POLN: variants seen among roughly 807,000 people sequenced by gnomAD.
POLN encodes the protein DNA polymerase nu, also known as DNA polymerase N.
In POLN, 108 loss-of-function variants were observed where a neutral mutation model predicts 113.5. That is an observed-to-expected ratio of 0.95 (90% CI 0.81 to 1.12). The LOEUF is 1.12. Among genes scored for constraint, POLN ranks in the 50% most tolerant of loss-of-function variants. POLN has a pLI of 0.00. For synonymous variants in POLN, 386 were observed against 391.5 expected (o/e 0.99, Z 0.17); for missense variants, 1,097 against 1,077.1 (o/e 1.02, Z -0.26).
At chr4:2,156,696 G>C in intron 16 of POLN, 92 bp downstream of exon 16, 2 of 1,007,192 alleles carry the variant, frequency 2.0e-6, no homozygotes, top group Non-Finnish European at 1.6e-6. Flanking sequence ...CTTGGAAACA[G>C]AAAGTGCACA....
At chr4:2,189,944 G>A (rs1733397095) in intron 7 of POLN, among the ~76,000 whole-genome samples, 1 of 147,768 alleles carries the variant, frequency 6.8e-6, no homozygotes, top group African/African-American at 2.5e-5. Context: ...AGAATCACTT[G>A]AACCCAGGAG....
intron 16 of POLN, among the ~76,000 whole-genome samples, chr4:2,154,926 A>T (rs1379094270): frequency 6.6e-6 from 1 of 152,238 alleles, no homozygotes; most frequent in African/African-American, 2.4e-5. Flanking sequence ...CCAAAAGTTC[A>T]ACTGAAATAA....
chr4:2,087,610 T>G (rs1273930134), intron 20 of POLN, among the ~76,000 whole-genome samples: 1 of 152,232 alleles, frequency 6.6e-6, no homozygotes, highest in Non-Finnish European at 1.5e-5. Context: ...GAGCATATTT[T>G]CTTTTACTTC....
At chr4:2,196,950 T>G (rs1231159314) in intron 6 of POLN, among the ~76,000 whole-genome samples, 1 of 152,026 alleles carries the variant, frequency 6.6e-6, no homozygotes, top group Non-Finnish European at 1.5e-5. Context: ...CACCACATGG[T>G]CAGGAACGGC....
At chr4:2,163,418 C>T (rs1732650018) in intron 13 of POLN, among the ~76,000 whole-genome samples, 1 of 152,222 alleles carries the variant, frequency 6.6e-6, no homozygotes, top group African/African-American at 2.4e-5. Flanking sequence ...GAACACTGCT[C>T]GCACTAACCG....
chr4:2,078,822 A>G, intron 23 of POLN: 1 of 985,474 alleles, frequency 1.0e-6, no homozygotes, highest in Non-Finnish European at 1.2e-6. Context: ...GTTCCTGAGT[A>G]AAAGTGTCTG....
chr4:2,082,219 C>T (rs183313860), intron 21 of POLN, among the ~76,000 whole-genome samples: 2 of 152,026 alleles, frequency 1.3e-5, no homozygotes, highest in East Asian at 1.9e-4. Flanking sequence ...GCCTCCAAAG[C>T]GCTGGTATTA....
intron 3 of POLN, among the ~76,000 whole-genome samples, chr4:2,218,324 G>C (rs1734163107): frequency 6.6e-6 from 1 of 151,246 alleles, no homozygotes; most frequent in African/African-American, 2.4e-5. Context: ...GCATCCCTGT[G>C]ATCCCAGCTA....
rs564588345 is a variant in POLN at position 2,205,925 on chromosome 4, A to C, written c.714+2062T>G. Among the ~76,000 whole-genome samples, 10 of 152,230 alleles carry C rather than the reference A, an allele frequency of 6.6e-5. No homozygotes were observed. The South Asian group carries it at 2.1e-3, about 32-fold the overall frequency. The stretch of plus-strand genomic sequence containing the variant: ...AATTCATATGGAGCAACAACAACAA[A>C]AAAGCCCACATAGCCAAAGCAAGAC... On this transcript the variant is annotated intron_variant, in intron 5 of 25. Transcript: ENST00000511885.
intron 23 of POLN, chr4:2,076,571 C>T (rs1560964244): frequency 6.6e-6 from 1 of 152,318 alleles, no homozygotes; most frequent in East Asian, 1.9e-4. Context: ...TCTGTGTGAC[C>T]TTGGCTCTGT....
At chr4:2,206,604 T>A (rs958610458) in intron 5 of POLN, among the ~76,000 whole-genome samples, 1 of 151,952 alleles carries the variant, frequency 6.6e-6, no homozygotes, top group Non-Finnish European at 1.5e-5. Context: ...AATAGACAAT[T>A]CTCCAAAGAA....
chr4:2,149,017 A>G (rs1195360801), intron 16 of POLN, among the ~76,000 whole-genome samples: 1 of 152,162 alleles, frequency 6.6e-6, no homozygotes, highest in Non-Finnish European at 1.5e-5. Flanking sequence ...CACTGTGGTT[A>G]CAGGCTGGAT....
intron 2 of POLN, chr4:2,238,563 AAAAGGAAATATTTACT>A: frequency 5.2e-6 from 7 of 1,343,654 alleles, no homozygotes; most frequent in Non-Finnish European, 7.0e-6. Context: ...TCGCAAAAAC[AAAAGGAAATATTTACT>A]AAAGAAACAA....
At chr4:2,174,606 A>C in intron 10 of POLN, 85 bp downstream of exon 10, 2 of 1,152,676 alleles carry the variant, frequency 1.7e-6, no homozygotes, top group South Asian at 2.5e-5. Context: ...TCTACTCCTA[A>C]GTAAGGTATG....
At chr4:2,232,239 G>A in intron 2 of POLN, 1 of 681,512 alleles carries the variant, frequency 1.5e-6, no homozygotes, top group Non-Finnish European at 2.3e-6. Context: ...TAATTTACAT[G>A]GAAAGACTTT....
At chr4:2,113,754 A>G (rs112224782) in intron 19 of POLN, among the ~76,000 whole-genome samples, 1 of 151,824 alleles carries the variant, frequency 6.6e-6, no homozygotes, top group African/African-American at 2.4e-5. Context: ...GCTACTTGAG[A>G]GGCTGAGGCA....
At chr4:2,159,237 AT>A (rs1255478297) in intron 13 of POLN, 26 bp from the exon 14 acceptor site, 7 of 1,542,234 alleles carry the variant, frequency 4.5e-6, no homozygotes, top group Non-Finnish European at 6.3e-6. Flanking sequence ...GATACTACCA[AT>A]GTAATTCGTC....
chr4:2,182,297 T>C lies in POLN; in HGVS notation c.1022-2832A>G, dbSNP rs73799914. 2.3e-3 allele frequency among the ~76,000 whole-genome samples: 346 copies of C among 152,262 alleles called. 1 individual carries two copies. Among genetic ancestry groups the C allele is most frequent in the African/African-American group, 7.8e-3 (325 of 41,550 alleles). On this transcript the variant is annotated intron_variant, in intron 7 of 25. Coordinates refer to ENST00000511885, the MANE Select transcript of POLN (RefSeq NM_181808.4). The stretch of plus-strand genomic sequence containing the variant: ...TTATGGTAGGAATCTTGAGATGAGA[T>C]CATCTTAAGTTAGGGTGAGCCCTAA...
intron 13 of POLN, among the ~76,000 whole-genome samples, chr4:2,162,684 T>G (rs1054193167): frequency 6.6e-6 from 1 of 152,040 alleles, no homozygotes; most frequent in Non-Finnish European, 1.5e-5. Context: ...CTTGAACTCC[T>G]GGACTCAAGC....
Sources: gnomAD v4.1 joint callset for allele counts (sites outside exome capture counted in the v4.1 genomes callset) on GRCh38, gnomAD v4.1.1 for gene constraint, MANE v1.5 for transcripts, NCBI Gene and HGNC (gene_info 2026-07-23, HGNC 2026-07-21) for gene names.